The following GTF3C1 variants were observed in gnomAD, a reference collection of about 807,000 sequenced individuals.
The protein encoded by GTF3C1 is general transcription factor 3C polypeptide 1.
In GTF3C1, 57 loss-of-function variants were observed where a neutral mutation model predicts 226.7. The ratio of observed to expected loss-of-function variants is 0.25; its 90% CI spans 0.20 to 0.31. The LOEUF is 0.31. GTF3C1 is among the 10% of genes least tolerant of loss of function. GTF3C1 has a pLI of 1.00. For synonymous variants in GTF3C1, 1,090 were observed against 1,084.8 expected (o/e 1.00, Z -0.09); for missense variants, 2,217 against 2,776.1 (o/e 0.80, Z 4.53).
chr16:27,481,012 G>A, intron 27 of GTF3C1, 67 bp downstream of exon 27: 2 of 1,315,682 alleles, frequency 1.5e-6, no homozygotes, highest in South Asian at 1.2e-5. Flanking sequence ...GCTGATAAGG[G>A]AGACAGGGCT....
At position 27,469,537 on chromosome 16, in the gene GTF3C1, C is replaced by T. The variant is rs375441116; in HGVS notation, c.4828G>A (p.Gly1610Ser). The T allele has an allele frequency of 1.4e-5, 22 of 1,610,566 alleles. No homozygotes were observed. The highest frequency in any genetic ancestry group is 2.2e-5 in the East Asian group (1 of 44,780). Residue 1610 changes from glycine (G) to serine (S), a missense_variant, in exon 32 of 37, where the codon GGC becomes AGC. Transcript: ENST00000356183. This position sits in a 1 kb window ranked among gnomAD's most constrained non-coding sequence, Gnocchi z 4.5. ...TCATCCTCGTCATCCTCCAGGCTGC[C>T]GTCCTTCCCCAAGCTAGAAGGGAAT... ...NEVIKSLGKD[G>S]SLEDDEDEED...
chr16:27,488,583 G>A lies in GTF3C1; in HGVS notation c.3482C>T (p.Ser1161Phe), dbSNP rs931363139. 2 of 1,614,014 alleles carry A rather than the reference G, an allele frequency of 1.2e-6. No individual in the cohort carries two copies. The highest frequency in any genetic ancestry group is 2.7e-5 in the African/African-American group (2 of 75,048). The change falls in exon 22 of 37, where the codon TCC (serine) becomes TTC (phenylalanine). Residue 1161 changes from serine (S) to phenylalanine (F), a missense_variant. This residue lies in a region of GTF3C1 where 546 missense variants were observed against 663.0 expected (regional missense o/e 0.82). Transcript: ENST00000356183. ...GLTVRLQTFL[S>F]KRPMPLSARG... The stretch of plus-strand genomic sequence containing the variant: ...GGCACTGAGGGGCATTGGGCGCTTG[G>A]ACAGAAATGTCTGGAGCCTCACTGT...
chr16:27,527,300 G>C (rs1199386700), intron 6 of GTF3C1, among the ~76,000 whole-genome samples: 1 of 152,210 alleles, frequency 6.6e-6, no homozygotes, highest in African/African-American at 2.4e-5. Flanking sequence ...TCCTGCCTCA[G>C]CCTCCTGAGT....
intron 2 of GTF3C1, among the ~76,000 whole-genome samples, chr16:27,539,120 G>A (rs899240519): frequency 6.7e-6 from 1 of 149,962 alleles, no homozygotes; most frequent in Non-Finnish European, 1.5e-5. Context: ...GAATGAATTT[G>A]GGTGATAATA....
At chr16:27,513,696 T>G (rs768829335) in intron 6 of GTF3C1, among the ~76,000 whole-genome samples, 2 of 152,172 alleles carry the variant, frequency 1.3e-5, no homozygotes, top group Non-Finnish European at 2.9e-5. Flanking sequence ...CCATTTCAGA[T>G]AGCAATAAAT....
chr16:27,464,789 C>A lies in GTF3C1; in HGVS notation c.5403G>T (p.Ala1801=). ...AGGCAGAGCCCATGGCTACCAGGCG[C>A]GCAGTGTTGCCACCGACCTCCAGCA... ...HQVLEVGGNT[A]RLVAMGSAWP... is the part of the protein sequence containing the mutation. The change falls in exon 34 of 37, where the codon GCG becomes GCT. Residue 1801 remains alanine, a synonymous_variant. Transcript: ENST00000356183. The A allele has an allele frequency of 6.5e-7, 1 of 1,540,818 alleles. No individual in the cohort carries two copies. The highest frequency in any genetic ancestry group is 1.2e-5 in the South Asian group (1 of 80,864).
chr16:27,464,640 G>A lies in GTF3C1; in HGVS notation c.5552C>T (p.Ala1851Val). ...GCCCCGGGGGCTGTGAGAAGGAGGT[G>A]CCTGCCCCTCGGGGGGGCTGTCCTC... is the stretch of plus-strand genomic sequence containing the variant. ...SSEDSPPEGQ[A>V]PPSHSPRGTK... Residue 1851 changes from alanine to valine, a missense_variant, in exon 34 of 37, where the codon GCA becomes GTA. By Grantham distance (64) the Ala-to-Val change is moderately conservative (BLOSUM62 0). Around this residue, in one of 12 missense-constraint regions of GTF3C1, gnomAD observed 455 missense variants for 441.9 expected, o/e 1.03. Coordinates refer to ENST00000356183, the MANE Select transcript of GTF3C1 (RefSeq NM_001520.4). The A allele has an allele frequency of 6.6e-7, 1 of 1,514,062 alleles. No homozygotes were observed. Among genetic ancestry groups the A allele is most frequent in the Non-Finnish European group, 8.8e-7 (1 of 1,133,170 alleles). 93.8% of individuals were successfully genotyped at this position (1,514,062 alleles called of 1,614,324 possible). A position where few individuals can be genotyped will look rare whatever the true frequency, so the allele number is the denominator to read the frequency against.
chr16:27,514,246 G>A (rs1314504323), intron 6 of GTF3C1, among the ~76,000 whole-genome samples: 1 of 152,238 alleles, frequency 6.6e-6, no homozygotes, highest in African/African-American at 2.4e-5. Flanking sequence ...TGCTTCTGCT[G>A]GCTCCCCGCC....
At position 27,516,391 on chromosome 16, in the gene GTF3C1, C is replaced by A. The variant is rs1314425923; in HGVS notation, c.974-4490G>T. Among the ~76,000 whole-genome samples, 3 of 152,286 alleles carry A rather than the reference C, an allele frequency of 2.0e-5. No individual in the cohort carries two copies. The South Asian group carries it at 6.2e-4, about 32-fold the overall frequency. On this transcript the variant is annotated intron_variant, in intron 6 of 36. Transcript: ENST00000356183. The stretch of plus-strand genomic sequence containing the variant: ...GGGTGGGCCACAGCTGAAACTGGGC[C>A]CAGCGTGAGGCGGCTGTGCTTCCAG...
chr16:27,494,684 C>T, intron 16 of GTF3C1, 79 bp downstream of exon 16: 1 of 1,041,052 alleles, frequency 9.6e-7, no homozygotes, highest in Non-Finnish European at 1.5e-6. Context: ...CAAGTATCCT[C>T]CCTTGCCCAG....
chr16:27,472,921 A>G (rs2087896926), intron 29 of GTF3C1, among the ~76,000 whole-genome samples: 1 of 151,324 alleles, frequency 6.6e-6, no homozygotes, highest in South Asian at 2.1e-4. Flanking sequence ...CACAGATTCA[A>G]CTCCTTTTTT....
intron 5 of GTF3C1, 81 bp from the exon 6 acceptor site, chr16:27,528,802 A>T: frequency 7.7e-7 from 1 of 1,303,062 alleles, no homozygotes; most frequent in Non-Finnish European, 1.1e-6. Context: ...AATGAACACA[A>T]GTTCAGGACC....
At chr16:27,514,903 C>T (rs1270083139) in intron 6 of GTF3C1, among the ~76,000 whole-genome samples, 3 of 152,108 alleles carry the variant, frequency 2.0e-5, no homozygotes, top group Non-Finnish European at 2.9e-5. Flanking sequence ...AGCGGCGCGG[C>T]GCCAGGGACG....
chr16:27,542,635 G>T (rs2141461851), intron 2 of GTF3C1, among the ~76,000 whole-genome samples: 1 of 152,136 alleles, frequency 6.6e-6, no homozygotes, highest in South Asian at 2.1e-4. Flanking sequence ...GAAGGTGTTT[G>T]GGTAGTGGGG....
intron 32 of GTF3C1, chr16:27,465,810 G>C: frequency 2.0e-6 from 1 of 498,478 alleles, no homozygotes; most frequent in Non-Finnish European, 3.7e-6. Context: ...AAGATGTAAA[G>C]TGAAGGGCAC....
At chr16:27,530,315 C>G (rs998610853) in intron 5 of GTF3C1, among the ~76,000 whole-genome samples, 1 of 152,154 alleles carries the variant, frequency 6.6e-6, no homozygotes, top group African/African-American at 2.4e-5. Flanking sequence ...TAGCCGTGCC[C>G]CCAGCATCAT....
At position 27,465,475 on chromosome 16, in the gene GTF3C1, T is replaced by C; in HGVS notation, c.5140A>G (p.Asn1714Asp). 6.2e-7 allele frequency: 1 copy of C among 1,609,580 alleles called. No homozygotes were observed. The highest frequency in any genetic ancestry group is 8.5e-7 in the Non-Finnish European group (1 of 1,179,708). The change falls in exon 33 of 37, where the codon AAC (asparagine) becomes GAC (aspartate). Residue 1714 changes from asparagine to aspartate, a missense_variant. Physicochemically the swap from Asn to Asp is conservative, Grantham distance 23. Around this residue, in one of 12 missense-constraint regions of GTF3C1, gnomAD observed 455 missense variants for 441.9 expected, o/e 1.03. Coordinates refer to ENST00000356183, the MANE Select transcript of GTF3C1 (RefSeq NM_001520.4). ...CLPDTFTKLI[N>D]PQENTCSLEE... ...AAGCTGCAGGTGTTTTCCTGGGGGT[T>C]TATCAGCTTGGTGAACGTATCAGGG...
chr16:27,492,425 C>T lies in GTF3C1; in HGVS notation c.3064G>A (p.Glu1022Lys), dbSNP rs576950293. 5.6e-6 allele frequency: 9 copies of T among 1,611,758 alleles called. No homozygotes were observed. The highest frequency in any genetic ancestry group is 1.7e-4 in the Middle Eastern group (1 of 5,962). ...YNLARSSRPF[E>K]RRLYVLNSMQ... is the part of the protein sequence containing the mutation. ...GAGTTCAGGACATAGAGGCGCCTCTCGAAGGGCCGGCTGCTGCGGGCCAGG... is the reference window on the plus strand; with the variant it reads ...GAGTTCAGGACATAGAGGCGCCTCTTGAAGGGCCGGCTGCTGCGGGCCAGG... Residue 1022 changes from glutamate (E) to lysine (K), a missense_variant, in exon 19 of 37, where the codon GAG becomes AAG. Coordinates refer to ENST00000356183, the MANE Select transcript of GTF3C1 (RefSeq NM_001520.4). The surrounding 1 kb of genome is among the most constrained non-coding windows in gnomAD (Gnocchi z 5.0).
chr16:27,497,794 G>C lies in GTF3C1; in HGVS notation c.2193C>G (p.Pro731=). ...NRVKTSQPPV[P]QGEAEEDSQG... The stretch of plus-strand genomic sequence containing the variant: ...GACTGTCTTCTTCTGCCTCCCCTTG[G>C]GGCACTGGAGGCTGGGAAGTTTTAA... The change falls in exon 14 of 37, where the codon CCC becomes CCG. Residue 731 remains proline (P), a synonymous_variant. Transcript: ENST00000356183. 1 of 1,613,040 alleles carries C rather than the reference G, an allele frequency of 6.2e-7. No individual in the cohort carries two copies. The highest frequency in any genetic ancestry group is 1.1e-5 in the South Asian group (1 of 90,996).
Sources: allele counts gnomAD v4.1 joint callset (sites outside exome capture counted in the v4.1 genomes callset), GRCh38; gene constraint gnomAD v4.1.1; regional missense constraint gnomAD v4.1.1; non-coding constraint Gnocchi (gnomAD v3.1); transcripts MANE v1.5; gene names NCBI Gene and HGNC (gene_info 2026-07-23, HGNC 2026-07-21).